Variants in KCNN2 observed in about 807,000 individuals in gnomAD.
The protein encoded by KCNN2 is small conductance calcium-activated potassium channel protein 2.
A neutral mutation model predicts 55.5 loss-of-function variants in KCNN2; 24 were observed. That is an observed-to-expected ratio of 0.43 (90% CI 0.31 to 0.61). The LOEUF is 0.61. Among genes scored for constraint, KCNN2 ranks in the 20% least tolerant of loss-of-function variants. KCNN2 has a pLI of 0.08. For missense variants in KCNN2, 754 were observed against 853.6 expected, an observed-to-expected ratio of 0.88 and a Z score of 1.45; for synonymous variants, 431 against 336.1, an observed-to-expected ratio of 1.28 and a Z score of -3.09.
chr5:114,107,264 G>T (rs551416025), intron 1 of KCNN2, among the ~76,000 whole-genome samples: 1 of 151,492 alleles, frequency 6.6e-6, no homozygotes, highest in African/African-American at 2.4e-5. Context: ...GTCTATTTTT[G>T]AGCCAGTACC....
intron 1 of KCNN2, among the ~76,000 whole-genome samples, chr5:114,198,463 T>TATAC (rs146655146): frequency 4.1e-4 from 61 of 147,896 alleles, no homozygotes; most frequent in African/African-American, 1.5e-3. Context: ...TATATACATA[T>TATAC]ACACACACAC....
At chr5:114,200,441 C>G in intron 1 of KCNN2, among the ~76,000 whole-genome samples, 1 of 151,432 alleles carries the variant, frequency 6.6e-6, no homozygotes, top group East Asian at 1.9e-4. Flanking sequence ...TTCTTTATAT[C>G]GTTTTTCTGA....
intron 1 of KCNN2, among the ~76,000 whole-genome samples, chr5:114,089,454 A>G (rs2112552684): frequency 6.6e-6 from 1 of 152,294 alleles, no homozygotes; most frequent in African/African-American, 2.4e-5. Context: ...TCAGTGTACA[A>G]AAGCCTGGGT....
chr5:114,198,711 T>C (rs545152644), intron 1 of KCNN2, among the ~76,000 whole-genome samples: 1 of 152,222 alleles, frequency 6.6e-6, no homozygotes, highest in South Asian at 2.1e-4. Context: ...TACATGCTGT[T>C]TAATTTCCAT....
rs146002765 is a variant in KCNN2 at position 114,314,736 on chromosome 5, G to A, written c.-184-46209G>A. ...AGAATAATAATAGCCAGCCTGAAGT[G>A]TAGTTGTTTAGAGATAACCCAGGCC... On this transcript the variant is annotated intron_variant, in intron 2 of 10. Transcript: ENST00000512097. Among the ~76,000 whole-genome samples the A allele has an allele frequency of 2.6e-5, 4 of 152,210 alleles. No individual in the cohort carries two copies. In the East Asian group the frequency reaches 7.7e-4, roughly 29 times the overall value.
Position 114,323,195 on chromosome 5 carries a change from G to T in KCNN2, c.-184-37750G>T, listed in dbSNP as rs36960. 2.0e-5 allele frequency among the ~76,000 whole-genome samples: 3 copies of T among 152,150 alleles called. No individual in the cohort carries two copies. The South Asian group carries it at 6.2e-4, about 31-fold the overall frequency. On this transcript the variant is annotated intron_variant, in intron 2 of 10. Coordinates refer to the KCNN2 transcript ENST00000512097. ...CCTAATTTCAAAGCTACCATAAACA[G>T]TAAAGCTCCTCAGTAGGAAACTGCA...
intron 2 of KCNN2, among the ~76,000 whole-genome samples, chr5:114,385,953 C>T (rs969034530): frequency 9.3e-5 from 14 of 150,800 alleles, no homozygotes; most frequent in Admixed American, 7.9e-4. Context: ...CCGAGGCGGG[C>T]GGATCGTGAG....
intron 5 of KCNN2, among the ~76,000 whole-genome samples, chr5:114,482,063 G>A (rs918539526): frequency 6.6e-6 from 1 of 152,106 alleles, no homozygotes; most frequent in African/African-American, 2.4e-5. Context: ...TTTCTGCACA[G>A]CAAAAGAAAC....
chr5:114,494,292 T>C (rs1356888802), intron 7 of KCNN2, among the ~76,000 whole-genome samples: 2 of 151,682 alleles, frequency 1.3e-5, no homozygotes, highest in East Asian at 3.9e-4. Flanking sequence ...GACATGACTT[T>C]GCTAAAGCCT....
At chr5:114,356,352 G>C (rs1490378573) in intron 2 of KCNN2, among the ~76,000 whole-genome samples, 1 of 152,170 alleles carries the variant, frequency 6.6e-6, no homozygotes, top group Non-Finnish European at 1.5e-5. Flanking sequence ...TGTCTGCTAA[G>C]TTTTATGACT....
chr5:114,288,217 G>A (rs1290731248), intron 2 of KCNN2, among the ~76,000 whole-genome samples: 1 of 152,046 alleles, frequency 6.6e-6, no homozygotes, highest in East Asian at 1.9e-4. Flanking sequence ...TTCCTTCTGT[G>A]TATATACCAC....
At chr5:114,374,400 G>T (rs1300457542) in intron 2 of KCNN2, among the ~76,000 whole-genome samples, 1 of 152,148 alleles carries the variant, frequency 6.6e-6, no homozygotes, top group African/African-American at 2.4e-5. Context: ...TGTATTCTTT[G>T]TAGGTCTACA....
At chr5:114,378,907 G>A (rs1349020156) in intron 2 of KCNN2, among the ~76,000 whole-genome samples, 1 of 152,184 alleles carries the variant, frequency 6.6e-6, no homozygotes, top group Non-Finnish European at 1.5e-5. Flanking sequence ...ATTAAGGTGG[G>A]AAGCAGTAAA....
chr5:114,104,090 C>A (rs566059519), intron 1 of KCNN2, among the ~76,000 whole-genome samples: 46 of 152,134 alleles, frequency 3.0e-4, no homozygotes, highest in African/African-American at 9.4e-4. Flanking sequence ...TTAATTACTG[C>A]CTCAATTTCA....
At chr5:114,059,020 A>G (rs1750268831) in intron 1 of KCNN2, among the ~76,000 whole-genome samples, 1 of 152,126 alleles carries the variant, frequency 6.6e-6, no homozygotes, top group African/African-American at 2.4e-5. Flanking sequence ...AGCCTGGAGG[A>G]AGGGCATATT....
chr5:114,262,332 T>C (rs1755125095), intron 2 of KCNN2, among the ~76,000 whole-genome samples: 1 of 152,218 alleles, frequency 6.6e-6, no homozygotes, highest in Non-Finnish European at 1.5e-5. Flanking sequence ...AAAGAAAGAA[T>C]TCTATCTACA....
intron 5 of KCNN2, among the ~76,000 whole-genome samples, chr5:114,479,391 G>A (rs1440475666): frequency 6.6e-6 from 1 of 152,070 alleles, no homozygotes; most frequent in Non-Finnish European, 1.5e-5. Context: ...ACCCAATACA[G>A]GAACACCCAG....
intron 1 of KCNN2, among the ~76,000 whole-genome samples, chr5:114,221,078 A>T (rs75781979): frequency 6.6e-6 from 1 of 152,206 alleles, no homozygotes; most frequent in Non-Finnish European, 1.5e-5. Context: ...ACTATCCTAT[A>T]TGACACGTTT....
chr5:114,467,130 G>C (rs772754353), intron 4 of KCNN2, among the ~76,000 whole-genome samples: 1 of 152,146 alleles, frequency 6.6e-6, no homozygotes, highest in Non-Finnish European at 1.5e-5. Context: ...TTAGTTGTCA[G>C]TTAAACAAAC....
Sources: gnomAD v4.1 joint callset for allele counts (sites outside exome capture counted in the v4.1 genomes callset) on GRCh38, gnomAD v4.1.1 for gene constraint, MANE v1.5 for transcripts, NCBI Gene and HGNC (gene_info 2026-07-23, HGNC 2026-07-21) for gene names.